Variants in TENM2 observed in about 807,000 individuals in gnomAD.
TENM2 encodes teneurin transmembrane protein 2.
Under a neutral mutation model 245.2 loss-of-function variants are expected in TENM2, and 52 were observed. The observed-to-expected ratio is 0.21, with a 90% CI of 0.17 to 0.27. TENM2 has a LOEUF of 0.27. TENM2 is among the 10% of genes least tolerant of loss of function. The pLI is 1.00. For synonymous variants in TENM2, 1,363 were observed against 1,438.9 expected, an observed-to-expected ratio of 0.95 and a Z score of 1.19; for missense variants, 3,046 against 3,666.8, an observed-to-expected ratio of 0.83 and a Z score of 4.37.
intron 2 of TENM2, among the ~76,000 whole-genome samples, chr5:167,794,407 T>C (rs1765184742): frequency 6.6e-6 from 1 of 152,204 alleles, no homozygotes; most frequent in African/African-American, 2.4e-5. Context: ...TCAGTAGCAA[T>C]TCCTCTACTA....
intron 2 of TENM2, among the ~76,000 whole-genome samples, chr5:167,709,599 A>T (rs1414330765): frequency 2.0e-5 from 3 of 152,178 alleles, no homozygotes; most frequent in Non-Finnish European, 4.4e-5. Flanking sequence ...GTGAATGGAG[A>T]ACTGACATTT....
chr5:167,619,106 T>C (rs1284046524), intron 2 of TENM2, among the ~76,000 whole-genome samples: 1 of 152,144 alleles, frequency 6.6e-6, no homozygotes, highest in Non-Finnish European at 1.5e-5. Flanking sequence ...CCAGTTTTTC[T>C]GGAGACTACA....
At chr5:167,473,452 C>G (rs1372436711) in intron 2 of TENM2, among the ~76,000 whole-genome samples, 1 of 152,044 alleles carries the variant, frequency 6.6e-6, no homozygotes, top group Non-Finnish European at 1.5e-5. Context: ...TTTAAAGAAC[C>G]AAGGACGAAG....
chr5:167,969,477 C>A (rs1012752385), intron 4 of TENM2, among the ~76,000 whole-genome samples: 1 of 152,100 alleles, frequency 6.6e-6, no homozygotes, highest in Non-Finnish European at 1.5e-5. Flanking sequence ...ATTACCCAGT[C>A]TCGGGTATGT....
rs147197319 is a variant in TENM2, at chr5:167,472,652, T to G, written c.502+97179T>G. Reference sequence around the variant, plus strand: ...TGGCTTCTTCCCTTTCCCTCGTATCTCTAGTGTTCCATTTATCTTCATATA... The same window carrying G: ...TGGCTTCTTCCCTTTCCCTCGTATCGCTAGTGTTCCATTTATCTTCATATA... On this transcript the variant is annotated intron_variant, in intron 2 of 28. Transcript: ENST00000518659. 3.8e-3 allele frequency among the ~76,000 whole-genome samples: 582 copies of G among 152,296 alleles called. 5 individuals are homozygous for G. Among genetic ancestry groups the G allele is most frequent in the African/African-American group, 0.013 (559 of 41,570 alleles).
chr5:168,074,366 T>C (rs749315547), intron 7 of TENM2, among the ~76,000 whole-genome samples: 1 of 152,102 alleles, frequency 6.6e-6, no homozygotes, highest in Non-Finnish European at 1.5e-5. Context: ...AGGGCCTTCA[T>C]AGGAACCAGG....
intron 2 of TENM2, among the ~76,000 whole-genome samples, chr5:167,853,719 A>G (rs991016922): frequency 6.6e-6 from 1 of 152,222 alleles, no homozygotes; most frequent in Admixed American, 6.5e-5. Flanking sequence ...ATTTCATTCC[A>G]TAGACTATTG....
intron 12 of TENM2, among the ~76,000 whole-genome samples, chr5:168,154,886 A>G (rs917894153): frequency 6.6e-6 from 1 of 152,172 alleles, no homozygotes; most frequent in Non-Finnish European, 1.5e-5. Context: ...TACAGACACC[A>G]CTGAAACAAA....
chr5:167,715,873 T>C (rs951618913), intron 2 of TENM2, among the ~76,000 whole-genome samples: 5 of 152,244 alleles, frequency 3.3e-5, no homozygotes, highest in Non-Finnish European at 7.3e-5. Context: ...TTTAGAAGTT[T>C]CCGTTATTAG....
chr5:167,313,350 A>T (rs2127758053), intron 1 of TENM2, among the ~76,000 whole-genome samples: 1 of 152,236 alleles, frequency 6.6e-6, no homozygotes, highest in Admixed American at 6.5e-5. Flanking sequence ...CATAAAATAC[A>T]CTAATATGGG....
intron 1 of TENM2, among the ~76,000 whole-genome samples, chr5:167,328,963 T>A (rs1316776721): frequency 6.6e-6 from 1 of 152,252 alleles, no homozygotes; most frequent in Non-Finnish European, 1.5e-5. Flanking sequence ...ATATCCGTGA[T>A]GTCTAAAATC....
intron 5 of TENM2, among the ~76,000 whole-genome samples, chr5:168,026,732 G>A (rs989303948): frequency 2.6e-5 from 4 of 152,090 alleles, no homozygotes; most frequent in Admixed American, 2.0e-4. Flanking sequence ...CATAGGGGAG[G>A]TTATAAAGAC....
intron 7 of TENM2, chr5:168,085,443 G>A (rs1348190627): frequency 2.6e-5 from 4 of 152,250 alleles, no homozygotes; most frequent in African/African-American, 9.6e-5. Context: ...CGGAAGCTCA[G>A]GGGCTGGTTC....
chr5:168,027,502 A>G (rs1266994014), intron 5 of TENM2, among the ~76,000 whole-genome samples: 1 of 152,206 alleles, frequency 6.6e-6, no homozygotes, highest in Non-Finnish European at 1.5e-5. Flanking sequence ...TCAGCCCTGG[A>G]CTGCCTTTTG....
chr5:168,199,830 T>A, intron 16 of TENM2, 34 bp from the exon 19 acceptor site: 1 of 1,603,000 alleles, frequency 6.2e-7, no homozygotes, highest in Admixed American at 1.7e-5. Flanking sequence ...CAGGTGTGTT[T>A]TAGGTGTGTG....
In TENM2 at chr5:168,125,951, G is replaced by A. The variant is rs78231104; in HGVS notation, c.2210-803G>A. 7.4e-3 allele frequency among the ~76,000 whole-genome samples: 1,132 copies of A among 152,136 alleles called. 18 individuals are homozygous for A. Among genetic ancestry groups the A allele is most frequent in the African/African-American group, 0.026 (1,066 of 41,488 alleles). ...GAGTGAGTCACTGGCCCCACTCCCCGGCCTGGTCTTCCTTCACCTGGCATG... is the reference window on the plus strand; with the variant it reads ...GAGTGAGTCACTGGCCCCACTCCCCAGCCTGGTCTTCCTTCACCTGGCATG... On this transcript the variant is annotated intron_variant, in intron 11 of 28. Coordinates refer to ENST00000518659, the Ensembl canonical transcript of TENM2.
intron 2 of TENM2, among the ~76,000 whole-genome samples, chr5:167,569,191 T>A (rs1774117795): frequency 1.3e-5 from 2 of 150,744 alleles, no homozygotes. Flanking sequence ...TTATTTTGTA[T>A]AATTTTGATG....
At chr5:167,558,968 G>A (rs1003424628) in intron 2 of TENM2, among the ~76,000 whole-genome samples, 3 of 152,118 alleles carry the variant, frequency 2.0e-5, no homozygotes, top group African/African-American at 7.2e-5. Context: ...TCATGAATGG[G>A]GAACACTTTA....
chr5:168,123,241 A>G (rs762115657), intron 10 of TENM2, among the ~76,000 whole-genome samples: 3 of 152,124 alleles, frequency 2.0e-5, no homozygotes, highest in Non-Finnish European at 4.4e-5. Flanking sequence ...CGAGACTACA[A>G]TGAGCTATGA....
Sources: gnomAD v4.1 joint callset for allele counts (sites outside exome capture counted in the v4.1 genomes callset) on GRCh38, gnomAD v4.1.1 for gene constraint, MANE v1.5 for transcripts, NCBI Gene and HGNC (gene_info 2026-07-23, HGNC 2026-07-21) for gene names.